GPD2: variants seen among roughly 807,000 people sequenced by gnomAD.
The protein encoded by GPD2 is glycerol-3-phosphate dehydrogenase, mitochondrial.
GPD2 carries 54 observed loss-of-function variants against 82.4 expected under a neutral mutation model. That is an observed-to-expected ratio of 0.66 (90% confidence interval 0.53 to 0.82). The LOEUF (loss-of-function observed/expected upper bound fraction) is 0.82. GPD2 is among the 40% of genes least tolerant of loss of function. The pLI is 0.00. For missense variants in GPD2, 748 were observed against 896.2 expected, an observed-to-expected ratio of 0.83 and a Z score of 2.11; for synonymous variants, 288 against 306.1, an observed-to-expected ratio of 0.94 and a Z score of 0.62.
intron 3 of GPD2, among the ~76,000 whole-genome samples, chr2:156,505,572 C>A (rs557872065): frequency 6.6e-5 from 10 of 152,238 alleles, no homozygotes; most frequent in African/African-American, 2.4e-4. Context: ...AAATCTTGAA[C>A]TAATTTAGTG....
chr2:156,513,504 ATGTT>A lies in GPD2; in HGVS notation c.661+10_661+13del. ...CAATTGTCTACTATGACGGTATGTGATGTTTTTTTTTTTTTTCCTCACAAGATAC... is the reference window on the plus strand; with the variant it reads ...CAATTGTCTACTATGACGGTATGTGATTTTTTTTTTTTCCTCACAAGATAC... On this transcript the variant is annotated intron_variant, in intron 6 of 16. Coordinates refer to ENST00000438166, the MANE Select transcript of GPD2 (RefSeq NM_000408.5). 2 of 1,563,238 alleles carry A rather than the reference ATGTT, an allele frequency of 1.3e-6. No homozygotes were observed. Among genetic ancestry groups the A allele is most frequent in the African/African-American group, 2.8e-5 (2 of 72,670 alleles).
intron 16 of GPD2, among the ~76,000 whole-genome samples, chr2:156,580,474 T>G (rs977831791): frequency 6.6e-6 from 1 of 152,204 alleles, no homozygotes; most frequent in Admixed American, 6.5e-5. Context: ...AACCCATACA[T>G]TATTTCTAAC....
intron 9 of GPD2, among the ~76,000 whole-genome samples, chr2:156,567,443 A>C (rs920226209): frequency 5.3e-5 from 8 of 152,096 alleles, no homozygotes; most frequent in Non-Finnish European, 1.0e-4. Flanking sequence ...ATTATCTTGA[A>C]GTTTTCAAGA....
At chr2:156,509,765 CTT>C (rs60361072) in intron 3 of GPD2, among the ~76,000 whole-genome samples, 6 of 117,362 alleles carry the variant, frequency 5.1e-5, no homozygotes, top group Non-Finnish European at 6.7e-5. Flanking sequence ...ATATGTTCTT[CTT>C]TTTTTTTTTT....
intron 9 of GPD2, among the ~76,000 whole-genome samples, chr2:156,561,040 CTTTTTTTTTTTTTTTT>C (rs35948070): frequency 4.0e-4 from 11 of 27,624 alleles, no homozygotes; most frequent in Non-Finnish European, 6.0e-4. Context: ...TGACATTAAG[CTTTTTTTTTTTTTTTT>C]TTTTTTTTTG....
rs556373077 is a variant in GPD2 at position 156,505,269 on chromosome 2, A to G, written c.275-5527A>G. ...CAATTTCAGTTTGCTAACAGATGAGATGATAAATGGAATATAGATTTCAAG... is the reference window on the plus strand; with the variant it reads ...CAATTTCAGTTTGCTAACAGATGAGGTGATAAATGGAATATAGATTTCAAG... On this transcript the variant is annotated intron_variant, in intron 3 of 16. Transcript: ENST00000438166. 2.0e-5 allele frequency among the ~76,000 whole-genome samples: 3 copies of G among 152,238 alleles called. No individual in the cohort carries two copies. In the South Asian group the frequency reaches 6.2e-4, roughly 32 times the overall value.
chr2:156,473,076 G>C (rs982717269), intron 1 of GPD2, among the ~76,000 whole-genome samples: 1 of 152,108 alleles, frequency 6.6e-6, no homozygotes, highest in African/African-American at 2.4e-5. Context: ...GATAATCTTA[G>C]GAAAGTCAAA....
the GPD2 span, among the ~76,000 whole-genome samples, chr2:156,404,686 CAAA>C: frequency 6.2e-5 from 4 of 64,386 alleles, no homozygotes; most frequent in African/African-American, 1.3e-4. Flanking sequence ...TTAAAAATAC[CAAA>C]AAAAAAAAAA....
chr2:156,580,780 C>T (rs1405493968), intron 16 of GPD2, among the ~76,000 whole-genome samples: 1 of 152,176 alleles, frequency 6.6e-6, no homozygotes, highest in African/African-American at 2.4e-5. Context: ...AAAATTTTCA[C>T]AGGTTGTGTC....
At chr2:156,495,682 C>G in intron 2 of GPD2, 1 of 420,634 alleles carries the variant, frequency 2.4e-6, no homozygotes, top group East Asian at 7.3e-5. Flanking sequence ...GAATGAATTG[C>G]TAGTACTGGG....
chr2:156,455,195 C>CT (rs1682748737), intron 1 of GPD2, among the ~76,000 whole-genome samples: 1 of 152,176 alleles, frequency 6.6e-6, no homozygotes, highest in African/African-American at 2.4e-5. Flanking sequence ...CCTGACTGCC[C>CT]TGAATCCAGT....
At chr2:156,562,247 G>C (rs1282826983) in intron 9 of GPD2, among the ~76,000 whole-genome samples, 1 of 152,140 alleles carries the variant, frequency 6.6e-6, no homozygotes, top group Non-Finnish European at 1.5e-5. Flanking sequence ...AGTGTTTATA[G>C]ATTGCCTGTT....
intron 1 of GPD2, among the ~76,000 whole-genome samples, chr2:156,465,168 C>T (rs1227555077): frequency 1.3e-5 from 2 of 151,990 alleles, no homozygotes; most frequent in Non-Finnish European, 2.9e-5. Context: ...TGTTTTCTTA[C>T]AAAACATTTT....
At chr2:156,433,106 T>A (rs1416033887), upstream of GPD2, among the ~76,000 whole-genome samples, 1 of 152,218 alleles carries the variant, frequency 6.6e-6, no homozygotes, top group Non-Finnish European at 1.5e-5. Context: ...GACTGCAACT[T>A]GTTTCTAACC....
intron 8 of GPD2, among the ~76,000 whole-genome samples, chr2:156,555,299 C>A (rs1201533827): frequency 1.3e-5 from 2 of 152,194 alleles, no homozygotes; most frequent in African/African-American, 2.4e-5. Flanking sequence ...TGGTAACCAT[C>A]ATGTTCACCT....
intron 4 of GPD2, 40 bp from the exon 5 acceptor site, chr2:156,512,179 TC>T: frequency 1.1e-6 from 1 of 940,912 alleles, no homozygotes; most frequent in Non-Finnish European, 1.8e-6. Context: ...AATATTATGA[TC>T]TGTTACTGCC....
upstream of GPD2, among the ~76,000 whole-genome samples, chr2:156,434,244 C>T (rs1057272171): frequency 5.9e-5 from 9 of 152,070 alleles, no homozygotes; most frequent in African/African-American, 2.2e-4. Flanking sequence ...GCTGGGATTA[C>T]AGGTGTTTGC....
rs1335769151 is a variant in GPD2 at position 156,496,100 on chromosome 2, G to A, written c.159G>A (p.Glu53=). Residue 53 remains glutamate, a synonymous_variant, in exon 3 of 17, where the codon GAG becomes GAA. Coordinates refer to ENST00000438166, the MANE Select transcript of GPD2 (RefSeq NM_000408.5). The part of the protein sequence containing the change: ...ADCISEPVNR[E]PPSREAQLLT... Reference sequence around the variant, plus strand: ...GCATTTCAGAACCAGTTAACAGGGAGCCTCCTTCCAGAGAAGCTCAGCTAC... The same window carrying A: ...GCATTTCAGAACCAGTTAACAGGGAACCTCCTTCCAGAGAAGCTCAGCTAC... The A allele has an allele frequency of 3.7e-6, 6 of 1,612,542 alleles. No homozygotes were observed. The highest frequency in any genetic ancestry group is 5.1e-6 in the Non-Finnish European group (6 of 1,178,738).
intron 6 of GPD2, among the ~76,000 whole-genome samples, chr2:156,515,376 A>C (rs1685163204): frequency 6.6e-6 from 1 of 151,970 alleles, no homozygotes; most frequent in African/African-American, 2.4e-5. Context: ...CTATTTCAAA[A>C]AAAAAAAAAG....
Sources: gnomAD v4.1 joint callset for allele counts (sites outside exome capture counted in the v4.1 genomes callset) on GRCh38, gnomAD v4.1.1 for gene constraint, MANE v1.5 for transcripts, NCBI Gene and HGNC (gene_info 2026-07-23, HGNC 2026-07-21) for gene names.